Variants in DLGAP2 observed in about 807,000 individuals in gnomAD.
DLGAP2 encodes DLG associated protein 2.
DLGAP2 carries 26 observed loss-of-function variants against 100.3 expected under a neutral mutation model. The observed-to-expected ratio is 0.26, with a 90% confidence interval of 0.19 to 0.36. The LOEUF is 0.36. Among genes scored for constraint, DLGAP2 ranks in the 10% least tolerant of loss-of-function variants. DLGAP2 has a pLI of 1.00. For missense variants in DLGAP2, 1,858 were observed against 1,453.2 expected (o/e 1.28, Z -4.53); for synonymous variants, 886 against 630.1 (o/e 1.41, Z -6.08).
chr8:958,455 T>A (rs1230661790), intron 2 of DLGAP2, among the ~76,000 whole-genome samples: 2 of 152,110 alleles, frequency 1.3e-5, no homozygotes, highest in Non-Finnish European at 2.9e-5. Context: ...ATGGTGATTC[T>A]GGTTTTCATT....
At chr8:1,191,558 T>C (rs1168002779) in intron 2 of DLGAP2, among the ~76,000 whole-genome samples, 7 of 152,228 alleles carry the variant, frequency 4.6e-5, no homozygotes, top group Non-Finnish European at 8.8e-5. Context: ...TTGAAATTAA[T>C]TCTGAAAATC....
At position 1,557,639 on chromosome 8, in the gene DLGAP2, G is replaced by T. The variant is rs773312562; in HGVS notation, c.1230+7956G>T. 9.2e-5 allele frequency among the ~76,000 whole-genome samples: 14 copies of T among 152,302 alleles called. No individual in the cohort carries two copies. In the Middle Eastern group the frequency reaches 0.017, roughly 185 times the overall value. ...ATACACACCCGGGGGGCGTGTAAAG[G>T]CACATTCATTCCGCAGGGTCCTGGT... On this transcript the variant is annotated intron_variant, in intron 5 of 14. Coordinates refer to ENST00000637795, the MANE Select transcript of DLGAP2 (RefSeq NM_001346810.2).
intron 2 of DLGAP2, among the ~76,000 whole-genome samples, chr8:1,192,724 A>G (rs984894352): frequency 3.3e-5 from 5 of 150,802 alleles, no homozygotes; most frequent in African/African-American, 1.2e-4. Flanking sequence ...CACAATGTGC[A>G]GGTTAGTTAC....
chr8:746,361 C>T (rs1820617954), intron 1 of DLGAP2, among the ~76,000 whole-genome samples: 1 of 152,256 alleles, frequency 6.6e-6, no homozygotes, highest in South Asian at 2.1e-4. Context: ...TCAGTGCTGG[C>T]ATTGTCTGCA....
chr8:1,682,305 A>G (rs1018764466), intron 12 of DLGAP2, among the ~76,000 whole-genome samples: 2 of 152,336 alleles, frequency 1.3e-5, no homozygotes, highest in African/African-American at 4.8e-5. Context: ...GAAAGTCCCT[A>G]CAAAGGGCTT....
intron 2 of DLGAP2, among the ~76,000 whole-genome samples, chr8:1,217,179 T>C (rs546481418): frequency 1.3e-5 from 2 of 152,310 alleles, no homozygotes; most frequent in African/African-American, 4.8e-5. Flanking sequence ...TCTCAGTGTT[T>C]AGCTCTCAAT....
intron 6 of DLGAP2, among the ~76,000 whole-genome samples, chr8:1,605,610 G>C (rs6558498): frequency 0.45 from 68,043 of 151,874 alleles, 15,426 homozygotes; most frequent in African/African-American, 0.51. Flanking sequence ...TTTATACCCT[G>C]CCCCTTTCCA....
At chr8:979,824 A>T (rs1584943313) in intron 2 of DLGAP2, among the ~76,000 whole-genome samples, 1 of 152,354 alleles carries the variant, frequency 6.6e-6, no homozygotes, top group East Asian at 1.9e-4. Context: ...TAAGTGAAAG[A>T]AGGGAAACAT....
intron 1 of DLGAP2, among the ~76,000 whole-genome samples, chr8:904,943 C>T (rs1027009826): frequency 3.3e-5 from 5 of 152,212 alleles, no homozygotes; most frequent in African/African-American, 9.6e-5. Flanking sequence ...TCCTGCCTTC[C>T]TGCTCCAGCC....
chr8:1,582,342 T>A (rs1481779468), intron 6 of DLGAP2, among the ~76,000 whole-genome samples: 9 of 147,416 alleles, frequency 6.1e-5, no homozygotes, highest in African/African-American at 1.0e-4. Context: ...AGAAAGAAAA[T>A]TATAGACCAT....
At chr8:1,317,768 T>C (rs1800795844) in intron 3 of DLGAP2, among the ~76,000 whole-genome samples, 1 of 97,976 alleles carries the variant, frequency 1.0e-5, no homozygotes, top group African/African-American at 4.9e-5. Flanking sequence ...CCAACAGTGG[T>C]CTACACTCGA....
At chr8:1,115,685 T>C (rs1052595563) in intron 2 of DLGAP2, among the ~76,000 whole-genome samples, 1 of 152,204 alleles carries the variant, frequency 6.6e-6, no homozygotes, top group Non-Finnish European at 1.5e-5. Flanking sequence ...GTGTCTGTGC[T>C]GCCAGGGATC....
chr8:1,641,736 A>G (rs916915181), intron 8 of DLGAP2, among the ~76,000 whole-genome samples: 5 of 152,140 alleles, frequency 3.3e-5, no homozygotes, highest in Non-Finnish European at 5.9e-5. Context: ...GTCATTTAAC[A>G]TCTTATCACC....
chr8:1,626,854 C>G lies in DLGAP2; in HGVS notation c.1557C>G (p.Val519=). 1 of 1,606,562 alleles carries G rather than the reference C, an allele frequency of 6.2e-7. No homozygotes were observed. The highest frequency in any genetic ancestry group is 1.7e-5 in the Admixed American group (1 of 59,376). Residue 519 remains valine (V), a synonymous_variant, in exon 7 of 15, where the codon GTC becomes GTG. Coordinates refer to ENST00000637795, the MANE Select transcript of DLGAP2 (RefSeq NM_001346810.2). ...GGAACCAGAGCTACATGAGGGCCGT[C>G]AGCACCCTGAGCCAGGCCAGCTGCG... ...RSRNQSYMRA[V]STLSQASCVS...
chr8:1,171,123 C>G (rs916872329), intron 2 of DLGAP2, among the ~76,000 whole-genome samples: 1 of 151,978 alleles, frequency 6.6e-6, no homozygotes, highest in Non-Finnish European at 1.5e-5. Context: ...TTATTTCTGC[C>G]TTCATTTCGT....
intron 3 of DLGAP2, among the ~76,000 whole-genome samples, chr8:1,328,064 G>C (rs931792913): frequency 1.3e-5 from 2 of 151,880 alleles, no homozygotes; most frequent in African/African-American, 4.8e-5. Flanking sequence ...TTTGGAGACA[G>C]AGTCTCACTC....
chr8:761,804 C>T (rs903843479), intron 1 of DLGAP2, among the ~76,000 whole-genome samples: 27 of 152,306 alleles, frequency 1.8e-4, no homozygotes, highest in African/African-American at 5.3e-4. Flanking sequence ...CCCTCTGTCC[C>T]GGGCTAGCTT....
At chr8:999,619 C>A (rs1218442791) in intron 2 of DLGAP2, among the ~76,000 whole-genome samples, 1 of 151,894 alleles carries the variant, frequency 6.6e-6, no homozygotes, top group Non-Finnish European at 1.5e-5. Flanking sequence ...GCTGGGATTA[C>A]AGGCGCCTGC....
At chr8:792,747 C>T (rs1308100207) in intron 1 of DLGAP2, among the ~76,000 whole-genome samples, 1 of 152,026 alleles carries the variant, frequency 6.6e-6, no homozygotes, top group Non-Finnish European at 1.5e-5. Flanking sequence ...TAGGAGTTCC[C>T]CCATTTTGTA....
Sources: gnomAD v4.1 joint callset for allele counts (sites outside exome capture counted in the v4.1 genomes callset) on GRCh38, gnomAD v4.1.1 for gene constraint, MANE v1.5 for transcripts, NCBI Gene and HGNC (gene_info 2026-07-23, HGNC 2026-07-21) for gene names.